The following PSD3 variants were observed in gnomAD, a reference collection of about 807,000 sequenced individuals.
PSD3 encodes the protein pleckstrin and Sec7 domain containing 3.
A neutral mutation model predicts 105.5 loss-of-function variants in PSD3; 49 were observed. The ratio of observed to expected loss-of-function variants is 0.46; its 90% confidence interval spans 0.37 to 0.59. The LOEUF is 0.59. Among genes scored for constraint, PSD3 ranks in the 20% least tolerant of loss-of-function variants. PSD3 has a pLI of 0.00. For synonymous variants in PSD3, 557 were observed against 457.8 expected (o/e 1.22, Z -2.77); for missense variants, 1,561 against 1,263.8 (o/e 1.24, Z -3.57).
At chr8:18,695,551 C>A (rs911228630) in intron 9 of PSD3, among the ~76,000 whole-genome samples, 2 of 152,074 alleles carry the variant, frequency 1.3e-5, no homozygotes, top group Non-Finnish European at 2.9e-5. Context: ...ACATACGAAA[C>A]AATACATATA....
chr8:18,737,237 T>C (rs1804219304), intron 9 of PSD3, among the ~76,000 whole-genome samples: 2 of 152,206 alleles, frequency 1.3e-5, no homozygotes, highest in South Asian at 4.1e-4. Context: ...AACACTGCAT[T>C]AGTTCACAAA....
At chr8:18,607,685 A>AT in intron 11 of PSD3, among the ~76,000 whole-genome samples, 1 of 124,828 alleles carries the variant, frequency 8.0e-6, no homozygotes, top group Admixed American at 7.7e-5. Flanking sequence ...CACTGCTACA[A>AT]AAAAAAAAAA....
At chr8:18,971,073 C>T (rs1824622355) in intron 1 of PSD3, among the ~76,000 whole-genome samples, 1 of 152,018 alleles carries the variant, frequency 6.6e-6, no homozygotes, top group African/African-American at 2.4e-5. Flanking sequence ...CCATGCAGAC[C>T]TCACATGTGC....
At chr8:18,661,694 C>CT (rs1809360451) in intron 9 of PSD3, among the ~76,000 whole-genome samples, 1 of 151,966 alleles carries the variant, frequency 6.6e-6, no homozygotes, top group Non-Finnish European at 1.5e-5. Flanking sequence ...AGGGTTATGA[C>CT]TTTTTTTTCT....
Position 18,930,535 on chromosome 8 carries a change from A to T in PSD3, c.130+5499T>A, listed in dbSNP as rs555399144. Among the ~76,000 whole-genome samples the T allele has an allele frequency of 2.0e-5, 3 of 151,904 alleles. No homozygotes were observed. In the East Asian group the frequency reaches 5.8e-4, roughly 29 times the overall value. ...AAATGGAATGGCCTAGTGGTACAGAACGTATATCTTTAACTTCTTAACTAA... is the reference window on the plus strand; with the variant it reads ...AAATGGAATGGCCTAGTGGTACAGATCGTATATCTTTAACTTCTTAACTAA... On this transcript the variant is annotated intron_variant, in intron 2 of 15. Coordinates refer to ENST00000327040, the MANE Select transcript of PSD3 (RefSeq NM_015310.4).
intron 4 of PSD3, among the ~76,000 whole-genome samples, chr8:18,848,753 C>G (rs900268862): frequency 1.3e-5 from 2 of 152,106 alleles, no homozygotes; most frequent in African/African-American, 4.8e-5. Flanking sequence ...AGAGGAGTCC[C>G]AGAATGACCA....
At chr8:18,970,108 G>C (rs1005250175) in intron 1 of PSD3, among the ~76,000 whole-genome samples, 1 of 151,344 alleles carries the variant, frequency 6.6e-6, no homozygotes, top group Non-Finnish European at 1.5e-5. Flanking sequence ...GGCGGATCAC[G>C]AGGTCAGGAG....
At chr8:18,574,457 T>C (rs1412558936) in intron 13 of PSD3, among the ~76,000 whole-genome samples, 1 of 152,184 alleles carries the variant, frequency 6.6e-6, no homozygotes, top group African/African-American at 2.4e-5. Flanking sequence ...CCCTGTGTGA[T>C]GTTAACCATC....
chr8:18,886,471 C>G (rs1264977504), intron 2 of PSD3, among the ~76,000 whole-genome samples: 2 of 152,240 alleles, frequency 1.3e-5, no homozygotes, highest in South Asian at 4.1e-4. Context: ...GGGTCTCCTA[C>G]TGGGACGCTC....
intron 8 of PSD3, among the ~76,000 whole-genome samples, chr8:18,780,481 C>T (rs1042057601): frequency 2.0e-5 from 3 of 152,078 alleles, no homozygotes; most frequent in Non-Finnish European, 4.4e-5. Context: ...TGTGTATCCT[C>T]TCATCCTGTT....
chr8:18,529,973 G>A lies in PSD3; in HGVS notation c.*5770C>T, dbSNP rs1268431137. 1 of 152,276 alleles carries A rather than the reference G, an allele frequency of 6.6e-6. No homozygotes were observed. The highest frequency in any genetic ancestry group is 2.4e-5 in the African/African-American group (1 of 41,432). The allele number at this position is 152,276 out of a possible 1,614,324, so 9.4% of individuals were successfully genotyped here. On this transcript the variant is annotated 3_prime_UTR_variant, in exon 16 of 16. Transcript: ENST00000327040. ...TGCAAAAATAGTTTGAGACTATAGAGTTAATTAACAACAACAAAAAAATGC... is the reference window on the plus strand; with the variant it reads ...TGCAAAAATAGTTTGAGACTATAGAATTAATTAACAACAACAAAAAAATGC...
chr8:18,926,637 G>A (rs950367345), intron 2 of PSD3, among the ~76,000 whole-genome samples: 5 of 152,118 alleles, frequency 3.3e-5, no homozygotes, highest in African/African-American at 1.2e-4. Context: ...ACAAGTGTTG[G>A]CAAGAGTGTG....
chr8:18,799,374 A>G (rs1486409092), intron 7 of PSD3, 21 bp from the exon 8 acceptor site: 2 of 1,556,000 alleles, frequency 1.3e-6, no homozygotes, highest in African/African-American at 3.1e-5. Context: ...ATACAAGAAA[A>G]AAAAGCATGA....
chr8:18,581,269 T>C (rs940766060), intron 12 of PSD3, among the ~76,000 whole-genome samples: 29 of 152,202 alleles, frequency 1.9e-4, no homozygotes, highest in Admixed American at 1.6e-3. Context: ...ATATGAACTA[T>C]TAGTATTATA....
intron 15 of PSD3, among the ~76,000 whole-genome samples, chr8:18,541,876 A>C (rs936995155): frequency 3.3e-5 from 5 of 150,880 alleles, no homozygotes; most frequent in African/African-American, 4.9e-5. Flanking sequence ...TCAGCCTCCC[A>C]AGTAGCTGGG....
chr8:18,816,204 C>A (rs1812211526), intron 4 of PSD3, among the ~76,000 whole-genome samples: 1 of 152,100 alleles, frequency 6.6e-6, no homozygotes, highest in Admixed American at 6.5e-5. Flanking sequence ...ATGAAGAATT[C>A]CAGAATGTTT....
intron 9 of PSD3, among the ~76,000 whole-genome samples, chr8:18,731,939 G>C (rs1229902310): frequency 2.0e-5 from 3 of 152,146 alleles, no homozygotes; most frequent in East Asian, 1.9e-4. Flanking sequence ...AGGAGTCTGA[G>C]AGGTCACTAT....
At chr8:18,975,413 A>G (rs1466501782) in intron 1 of PSD3, among the ~76,000 whole-genome samples, 2 of 151,708 alleles carry the variant, frequency 1.3e-5, no homozygotes, top group Non-Finnish European at 2.9e-5. Flanking sequence ...GAAGGCTATA[A>G]TTGGTGGGAT....
chr8:18,556,383 C>CAAA (rs112511528), intron 14 of PSD3, 31 bp from the exon 15 acceptor site: 231,223 of 1,335,574 alleles, frequency 0.17, 5,740 homozygotes, highest in South Asian at 0.19. Flanking sequence ...ATTTAGCGTT[C>CAAA]AAAAAAAAAA....
Sources: gnomAD v4.1 joint callset for allele counts (sites outside exome capture counted in the v4.1 genomes callset) on GRCh38, gnomAD v4.1.1 for gene constraint, MANE v1.5 for transcripts, NCBI Gene and HGNC (gene_info 2026-07-23, HGNC 2026-07-21) for gene names.